Variants in OR9Q1 observed in about 807,000 individuals in gnomAD.
OR9Q1 encodes olfactory receptor 9Q1.
For synonymous variants in OR9Q1, 153 were observed against 148.6 expected, an observed-to-expected ratio of 1.03 and a Z score of -0.22; for missense variants, 374 against 378.8, an observed-to-expected ratio of 0.99 and a Z score of 0.11.
At chr11:58,063,242 C>A (rs958905016) in intron 2 of OR9Q1, among the ~76,000 whole-genome samples, 1 of 152,074 alleles carries the variant, frequency 6.6e-6, no homozygotes, top group Non-Finnish European at 1.5e-5. Flanking sequence ...TGACTTTGGA[C>A]AAGTAACATT....
intron 2 of OR9Q1, among the ~76,000 whole-genome samples, chr11:58,168,463 C>T (rs1020539): frequency 0.99 from 150,431 of 152,328 alleles, 74,307 homozygotes; most frequent in Middle Eastern, 1. Flanking sequence ...TATTGATATA[C>T]GTAGCTTCAG....
chr11:58,080,848 C>T (rs760031514), intron 2 of OR9Q1, among the ~76,000 whole-genome samples: 8 of 151,902 alleles, frequency 5.3e-5, no homozygotes, highest in East Asian at 3.9e-4. Flanking sequence ...ACTTTAAGTT[C>T]GGTTACACGT....
chr11:58,154,981 T>C, intron 2 of OR9Q1, among the ~76,000 whole-genome samples: 1 of 152,114 alleles, frequency 6.6e-6, no homozygotes, highest in East Asian at 1.9e-4. Context: ...CAATGGAAAA[T>C]ATGTTTTTAT....
chr11:58,063,718 G>A (rs899323433), intron 2 of OR9Q1, among the ~76,000 whole-genome samples: 2 of 152,084 alleles, frequency 1.3e-5, no homozygotes, highest in Admixed American at 6.5e-5. Flanking sequence ...GGGGGGGTGA[G>A]TTTTAAAGGT....
chr11:58,030,826 G>A, intron 1 of OR9Q1: 1 of 672,120 alleles, frequency 1.5e-6, no homozygotes. Context: ...TAAGAACAGT[G>A]TGTTGACATC....
chr11:58,084,743 C>A (rs1853619068), intron 2 of OR9Q1, among the ~76,000 whole-genome samples: 1 of 151,826 alleles, frequency 6.6e-6, no homozygotes, highest in African/African-American at 2.4e-5. Context: ...ATGCAACATC[C>A]TTTCATGTTA....
At chr11:58,061,372 A>G (rs2119996574) in intron 2 of OR9Q1, among the ~76,000 whole-genome samples, 1 of 152,308 alleles carries the variant, frequency 6.6e-6, no homozygotes, top group Admixed American at 6.5e-5. Context: ...ACTAACAGTC[A>G]TTGAGGGTTT....
At chr11:58,108,431 G>A (rs548562510) in intron 2 of OR9Q1, among the ~76,000 whole-genome samples, 26 of 152,248 alleles carry the variant, frequency 1.7e-4, no homozygotes, top group African/African-American at 5.8e-4. Context: ...TTATGACTAT[G>A]CTACTTTTTA....
intron 2 of OR9Q1, among the ~76,000 whole-genome samples, chr11:58,080,411 A>G (rs1590576919): frequency 6.6e-6 from 1 of 152,152 alleles, no homozygotes; most frequent in Middle Eastern, 3.4e-3. Flanking sequence ...ACCCACATTG[A>G]TTTCCTGTCT....
chr11:58,036,899 AG>A (rs1853105472), intron 1 of OR9Q1, among the ~76,000 whole-genome samples: 1 of 152,256 alleles, frequency 6.6e-6, no homozygotes. Flanking sequence ...TTACAATAAA[AG>A]GATTTAGAAT....
At chr11:58,119,256 C>G (rs1853998793) in intron 2 of OR9Q1, 1 of 1,613,770 alleles carries the variant, frequency 6.2e-7, no homozygotes. Context: ...AGAGGTGGCT[C>G]AGGAAGAAGT....
intron 1 of OR9Q1, among the ~76,000 whole-genome samples, chr11:58,034,659 A>G (rs1853077907): frequency 6.6e-6 from 1 of 152,148 alleles, no homozygotes; most frequent in Admixed American, 6.5e-5. Flanking sequence ...TACATGGTCA[A>G]TACTGGGTCC....
chr11:58,142,899 T>A (rs1854264083), intron 2 of OR9Q1, among the ~76,000 whole-genome samples: 1 of 151,926 alleles, frequency 6.6e-6, no homozygotes, highest in Non-Finnish European at 1.5e-5. Context: ...CTAGGACAGA[T>A]CCTTTGGAAT....
intron 2 of OR9Q1, among the ~76,000 whole-genome samples, chr11:58,091,081 T>A (rs536264728): frequency 1.3e-4 from 20 of 151,928 alleles, no homozygotes; most frequent in East Asian, 7.7e-4. Flanking sequence ...TTAATTTTTT[T>A]TAAAAAAAAC....
chr11:58,030,748 T>G (rs572795989), intron 1 of OR9Q1, among the ~76,000 whole-genome samples: 2 of 152,350 alleles, frequency 1.3e-5, no homozygotes, highest in South Asian at 4.1e-4. Context: ...TCTTAGCCAG[T>G]GCATTTCATT....
chr11:58,040,511 C>T (rs762846669), intron 1 of OR9Q1, among the ~76,000 whole-genome samples: 6 of 152,190 alleles, frequency 3.9e-5, no homozygotes, highest in African/African-American at 7.2e-5. Context: ...TTACCAATCA[C>T]GTATTCTGTC....
In OR9Q1 at chr11:58,086,707, G is replaced by A. The variant is rs115865338; in HGVS notation, c.-15+30760G>A. Reference sequence around the variant, plus strand: ...AGAAAAATAATTTAAAATTTGTGACGACATGAGTGAAACTTGAGGACGTTT... The same window carrying A: ...AGAAAAATAATTTAAAATTTGTGACAACATGAGTGAAACTTGAGGACGTTT... On this transcript the variant is annotated intron_variant, in intron 2 of 2. Coordinates refer to ENST00000335397, the MANE Select transcript of OR9Q1 (RefSeq NM_001005212.4). 4.1e-3 allele frequency among the ~76,000 whole-genome samples: 629 copies of A among 151,812 alleles called. 14 individuals carry two copies. The highest frequency in any genetic ancestry group is 0.014 in the African/African-American group (567 of 41,228).
chr11:58,117,965 T>A (rs1853974743), intron 2 of OR9Q1: 2 of 152,418 alleles, frequency 1.3e-5, no homozygotes, highest in Non-Finnish European at 2.9e-5. Flanking sequence ...AGAAGTTCAT[T>A]TCTCAAACTT....
At chr11:58,124,969 T>TG (rs1854074502) in intron 2 of OR9Q1, among the ~76,000 whole-genome samples, 1 of 152,302 alleles carries the variant, frequency 6.6e-6, no homozygotes, top group East Asian at 1.9e-4. Context: ...AATAGTTAAG[T>TG]ACCTTGTCCA....
Sources: gnomAD v4.1 joint callset for allele counts (sites outside exome capture counted in the v4.1 genomes callset) on GRCh38, gnomAD v4.1.1 for gene constraint, MANE v1.5 for transcripts, NCBI Gene and HGNC (gene_info 2026-07-23, HGNC 2026-07-21) for gene names.